Variants in ANKS3 observed in about 807,000 individuals in gnomAD.
ANKS3 encodes the protein ankyrin repeat and SAM domain-containing protein 3.
In ANKS3, 62 loss-of-function variants were observed where a neutral mutation model predicts 80.7. The observed-to-expected ratio is 0.77, with a 90% CI of 0.63 to 0.95. The LOEUF is 0.95. Among genes scored for constraint, ANKS3 ranks in the 40% least tolerant of loss-of-function variants. ANKS3 has a pLI of 0.00. For synonymous variants in ANKS3, 489 were observed against 355.3 expected, an observed-to-expected ratio of 1.38 and a Z score of -4.23; for missense variants, 1,150 against 883.6, an observed-to-expected ratio of 1.30 and a Z score of -3.82.
At chr16:4,711,450 G>C (rs923836114) in intron 7 of ANKS3, among the ~76,000 whole-genome samples, 1 of 151,790 alleles carries the variant, frequency 6.6e-6, no homozygotes, top group Admixed American at 6.6e-5. Context: ...CGGGTGCGGT[G>C]GCTCACACCT....
At chr16:4,704,750 C>T (rs867298864) in intron 8 of ANKS3, among the ~76,000 whole-genome samples, 16 of 152,316 alleles carry the variant, frequency 1.1e-4, no homozygotes, top group Middle Eastern at 6.8e-3. Flanking sequence ...GTGAACTTCA[C>T]GCTTTGCCTC....
Position 4,729,991 on chromosome 16 carries a change from C to A in ANKS3, c.159G>T (p.Glu53Asp). 1 of 1,524,190 alleles carries A rather than the reference C, an allele frequency of 6.6e-7. No individual in the cohort carries two copies. Among genetic ancestry groups the A allele is most frequent in the Non-Finnish European group, 8.9e-7 (1 of 1,126,686 alleles). The allele number at this position is 1,524,190 out of a possible 1,614,324, so 94.4% of individuals were successfully genotyped here. Residue 53 changes from glutamate (E) to aspartate (D), a missense_variant, in exon 3 of 18, where the codon GAG becomes GAT. By Grantham distance (45) the Glu-to-Asp change is conservative (BLOSUM62 2). Coordinates refer to ENST00000304283, the MANE Select transcript of ANKS3 (RefSeq NM_133450.4). The part of the protein sequence containing the change: ...ASIGQYEVVK[E>D]CVQRRELDLN... ...CCGAGATCTCTTACCGCTGCACACA[C>A]TCCTTCACCACTTCATACTGGCCAA...
At chr16:4,706,167 T>G (rs1051620476) in intron 7 of ANKS3, among the ~76,000 whole-genome samples, 1 of 152,052 alleles carries the variant, frequency 6.6e-6, no homozygotes, top group Non-Finnish European at 1.5e-5. Context: ...GTGCTGGGAT[T>G]ATAGGCACGT....
chr16:4,731,462 T>A (rs2081613640), intron 2 of ANKS3, 50 bp downstream of exon 2: 1 of 174,394 alleles, frequency 5.7e-6, no homozygotes. Context: ...GTATTTTTAG[T>A]AGAGACGGGG....
Position 4,734,009 on chromosome 16 carries a change from GCC to G in ANKS3, c.-144_-143del. On this transcript the variant is annotated 5_prime_UTR_variant, in exon 1 of 18. The change creates a premature stop within an existing upstream ORF in the 5' untranslated region. Coordinates refer to ENST00000304283, the MANE Select transcript of ANKS3 (RefSeq NM_133450.4). The stretch of plus-strand genomic sequence containing the variant: ...GCTACGGCGCACAGGGCATTACTGT[GCC>G]CCCACCACAACCACATAAAGAAAAT... 1 of 985,442 alleles carries G rather than the reference GCC, an allele frequency of 1.0e-6. No homozygotes were observed. Among genetic ancestry groups the G allele is most frequent in the Non-Finnish European group, 1.2e-6 (1 of 829,918 alleles). The allele number at this position is 985,442 out of a possible 1,614,324, so 61.0% of individuals were successfully genotyped here.
chr16:4,733,504 C>G (rs938081311), intron 1 of ANKS3, among the ~76,000 whole-genome samples: 1 of 152,080 alleles, frequency 6.6e-6, no homozygotes, highest in Admixed American at 6.6e-5. Context: ...GTTGGCCAGG[C>G]TGGTCTCAAA....
chr16:4,724,928 AC>A (rs2081281187), intron 5 of ANKS3, 97 bp from the exon 6 acceptor site: 1 of 996,186 alleles, frequency 1.0e-6, no homozygotes. Context: ...TGCACGAGTC[AC>A]CGATCCCTAA....
At chr16:4,717,067 C>G (rs2080842788) in intron 6 of ANKS3, among the ~76,000 whole-genome samples, 1 of 150,160 alleles carries the variant, frequency 6.7e-6, no homozygotes, top group South Asian at 2.1e-4. Context: ...CGTGGTAAAA[C>G]CCCATCTCTA....
chr16:4,731,817 C>A (rs2081631943), intron 1 of ANKS3, among the ~76,000 whole-genome samples: 1 of 152,054 alleles, frequency 6.6e-6, no homozygotes. Context: ...GTAACACTTT[C>A]CCCGAGATGG....
intron 7 of ANKS3, among the ~76,000 whole-genome samples, chr16:4,713,041 G>A (rs893190064): frequency 2.0e-5 from 3 of 152,082 alleles, no homozygotes; most frequent in African/African-American, 7.2e-5. Flanking sequence ...AGGCTGAGAT[G>A]GGTGGATCAC....
At chr16:4,697,167 C>G (rs767418950) in intron 16 of ANKS3, 63 bp from the exon 17 acceptor site, 6 of 1,583,642 alleles carry the variant, frequency 3.8e-6, no homozygotes, top group Non-Finnish European at 5.2e-6. Flanking sequence ...GGTGCTGCCC[C>G]GGGGTCTCAG....
chr16:4,724,844 G>A lies in ANKS3; in HGVS notation c.492-13C>T, dbSNP rs553228541. On this transcript the variant is annotated splice_polypyrimidine_tract_variant and intron_variant, in intron 5 of 17. Transcript: ENST00000304283. ...ACATATCGGCTCCCTGCAAGATGTGGGCCACAGTCAGATGATTGGAAGAGA... is the reference window on the plus strand; with the variant it reads ...ACATATCGGCTCCCTGCAAGATGTGAGCCACAGTCAGATGATTGGAAGAGA... 2 of 1,613,288 alleles carry A rather than the reference G, an allele frequency of 1.2e-6. No individual in the cohort carries two copies. The highest frequency in any genetic ancestry group is 1.7e-5 in the Admixed American group (1 of 59,886).
chr16:4,698,177 C>T, intron 14 of ANKS3, 115 bp from the exon 15 acceptor site: 1 of 1,300,240 alleles, frequency 7.7e-7, no homozygotes, highest in Non-Finnish European at 1.1e-6. Flanking sequence ...AGCTGGCCCT[C>T]ATGGGCTGGG....
At position 4,724,807 on chromosome 16, in the gene ANKS3, G is replaced by A. The variant is rs1369898867; in HGVS notation, c.516C>T (p.Pro172=). 6.2e-7 allele frequency: 1 copy of A among 1,614,154 alleles called. No homozygotes were observed. Among genetic ancestry groups the A allele is most frequent in the South Asian group, 1.1e-5 (1 of 91,060 alleles). ...NVREPICGFT[P]LMEAAAAGHE... ...GGCCAGCAGCAGCTGCTTCCATCAA[G>A]GGAGTAAATCCACATATCGGCTCCC... Residue 172 remains proline (P), a synonymous_variant, in exon 6 of 18, where the codon CCC becomes CCT. Coordinates refer to ENST00000304283, the MANE Select transcript of ANKS3 (RefSeq NM_133450.4).
intron 6 of ANKS3, among the ~76,000 whole-genome samples, chr16:4,724,272 C>G (rs755052594): frequency 2.3e-4 from 35 of 152,296 alleles, no homozygotes; most frequent in Non-Finnish European, 4.9e-4. Flanking sequence ...TAAGATGTCT[C>G]TAAGTTACAG....
chr16:4,712,329 G>A lies in ANKS3; in HGVS notation c.709+1722C>T, dbSNP rs138314030. 1.8e-3 allele frequency among the ~76,000 whole-genome samples: 279 copies of A among 152,072 alleles called. 2 individuals carry two copies. The highest frequency in any genetic ancestry group is 6.3e-3 in the African/African-American group (263 of 41,436). ...GAGGTTGCGGAGGTTGCAGTGAGCTGAGATCTCGCCACTCCAGTCCAGCCT... is the reference window on the plus strand; with the variant it reads ...GAGGTTGCGGAGGTTGCAGTGAGCTAAGATCTCGCCACTCCAGTCCAGCCT... On this transcript the variant is annotated intron_variant, in intron 7 of 17. Coordinates refer to ENST00000304283, the MANE Select transcript of ANKS3 (RefSeq NM_133450.4).
At position 4,698,451 on chromosome 16, in the gene ANKS3, G is replaced by C. The variant is rs753090421; in HGVS notation, c.1700C>G (p.Ala567Gly). The C allele has an allele frequency of 3.9e-6, 6 of 1,537,508 alleles. No individual in the cohort carries two copies. The highest frequency in any genetic ancestry group is 4.4e-6 in the Non-Finnish European group (5 of 1,148,446). The change falls in exon 14 of 18, where the codon GCT becomes GGT. Residue 567 changes from alanine to glycine, a missense_variant. By Grantham distance (60) the Ala-to-Gly change is moderately conservative. Transcript: ENST00000304283. The part of the protein sequence containing the change: ...LRETWALARD[A>G]ALVLDQLRAC... ...CCGCAGCTGGTCCAGGACGAGGGCA[G>C]CATCCCGGGCCAGGGCCCACGTCTC...
rs749618193 is a variant in ANKS3, at chr16:4,698,458, G to A, written c.1693C>T (p.Arg565Trp). Residue 565 changes from arginine to tryptophan, a missense_variant, in exon 14 of 18, where the codon CGG becomes TGG. Arg to Trp is a moderately radical substitution (Grantham distance 101). Coordinates refer to ENST00000304283, the MANE Select transcript of ANKS3 (RefSeq NM_133450.4). ...ARLRETWALA[R>W]DAALVLDQLR... is the part of the protein sequence containing the mutation. ...TGGTCCAGGACGAGGGCAGCATCCCGGGCCAGGGCCCACGTCTCCCGCAGC... is the reference window on the plus strand; with the variant it reads ...TGGTCCAGGACGAGGGCAGCATCCCAGGCCAGGGCCCACGTCTCCCGCAGC... 4.5e-6 allele frequency: 7 copies of A among 1,540,886 alleles called. No individual in the cohort carries two copies. The highest frequency in any genetic ancestry group is 6.1e-6 in the Non-Finnish European group (7 of 1,150,268).
intron 6 of ANKS3, among the ~76,000 whole-genome samples, chr16:4,720,640 G>A (rs1437939730): frequency 2.0e-5 from 3 of 151,206 alleles, no homozygotes; most frequent in Non-Finnish European, 4.4e-5. Context: ...AAAAAGACGT[G>A]TAAGAAATGT....
Sources: gnomAD v4.1 joint callset for allele counts (sites outside exome capture counted in the v4.1 genomes callset) on GRCh38, gnomAD v4.1.1 for gene constraint, MANE v1.5 for transcripts, NCBI Gene and HGNC (gene_info 2026-07-23, HGNC 2026-07-21) for gene names.